The following LRRC4C variants were observed in gnomAD, a reference collection of about 807,000 sequenced individuals.
LRRC4C encodes the protein leucine-rich repeat-containing protein 4C.
In LRRC4C, 5 loss-of-function variants were observed where a neutral mutation model predicts 33.6. The observed-to-expected ratio is 0.15, with a 90% confidence interval of 0.08 to 0.31. The LOEUF is 0.31. LRRC4C is among the 10% of genes least tolerant of loss of function. The pLI, the probability that LRRC4C is intolerant of heterozygous loss-of-function variation, is 1.00. For missense variants in LRRC4C, 560 were observed against 796.7 expected (o/e 0.70, Z 3.58); for synonymous variants, 329 against 302.0 (o/e 1.09, Z -0.93).
intron 3 of LRRC4C, among the ~76,000 whole-genome samples, chr11:40,568,553 C>G (rs1007672349): frequency 3.3e-5 from 5 of 152,178 alleles, no homozygotes; most frequent in African/African-American, 9.7e-5. Flanking sequence ...ATTTCTATAA[C>G]AGCTCCACGA....
intron 1 of LRRC4C, among the ~76,000 whole-genome samples, chr11:41,436,370 C>T (rs947600474): frequency 3.3e-5 from 5 of 152,110 alleles, no homozygotes; most frequent in Non-Finnish European, 5.9e-5. Context: ...CATGTTATTT[C>T]TCAAGATATT....
At chr11:40,581,194 T>C (rs1193511892) in intron 3 of LRRC4C, among the ~76,000 whole-genome samples, 1 of 152,218 alleles carries the variant, frequency 6.6e-6, no homozygotes, top group African/African-American at 2.4e-5. Context: ...CCCCATCGAA[T>C]GTCAACATGT....
intron 3 of LRRC4C, among the ~76,000 whole-genome samples, chr11:40,436,811 T>C (rs981658090): frequency 8.5e-5 from 13 of 152,152 alleles, no homozygotes; most frequent in Non-Finnish European, 1.8e-4. Context: ...AGCTGCTCCA[T>C]TGAGGACTTC....
intron 1 of LRRC4C, among the ~76,000 whole-genome samples, chr11:41,328,431 G>A (rs1397906278): frequency 6.6e-6 from 1 of 152,128 alleles, no homozygotes; most frequent in African/African-American, 2.4e-5. Flanking sequence ...ATGTGTGTGT[G>A]TGCGTGTCTG....
intron 1 of LRRC4C, among the ~76,000 whole-genome samples, chr11:41,037,279 T>C (rs1411178332): frequency 3.2e-5 from 3 of 92,326 alleles, no homozygotes; most frequent in Non-Finnish European, 7.4e-5. Context: ...CTATCTTTGA[T>C]GGGTTTTTTT....
intron 6 of LRRC4C, among the ~76,000 whole-genome samples, chr11:40,125,439 G>A (rs369846275): frequency 6.6e-6 from 1 of 152,000 alleles, no homozygotes. Flanking sequence ...CCCTGTAACT[G>A]TTTTTCCTCT....
intron 6 of LRRC4C, among the ~76,000 whole-genome samples, chr11:40,139,142 G>A (rs1395448869): frequency 6.6e-6 from 1 of 152,104 alleles, no homozygotes. Context: ...AGAACTGAGG[G>A]GAAAAGAGTT....
chr11:41,224,599 A>G (rs1947448051), intron 1 of LRRC4C, among the ~76,000 whole-genome samples: 2 of 152,156 alleles, frequency 1.3e-5, no homozygotes. Context: ...ATTTGATCCA[A>G]TGACTCCTTT....
intron 1 of LRRC4C, among the ~76,000 whole-genome samples, chr11:41,004,689 A>T (rs567685792): frequency 3.8e-4 from 58 of 152,300 alleles, no homozygotes; most frequent in Non-Finnish European, 7.2e-4. Flanking sequence ...GGATGAATGC[A>T]TCAGTGTTCA....
intron 2 of LRRC4C, among the ~76,000 whole-genome samples, chr11:40,907,485 C>A (rs1391234818): frequency 6.6e-6 from 1 of 152,166 alleles, no homozygotes; most frequent in Non-Finnish European, 1.5e-5. Context: ...ATGTGCACAG[C>A]TACTATCTTT....
chr11:41,175,426 A>G (rs2136118799), intron 1 of LRRC4C, among the ~76,000 whole-genome samples: 1 of 152,304 alleles, frequency 6.6e-6, no homozygotes, highest in East Asian at 1.9e-4. Flanking sequence ...TGTCTAAAGT[A>G]GTTCAGCAGG....
At chr11:40,218,610 G>C (rs372549552) in intron 5 of LRRC4C, among the ~76,000 whole-genome samples, 29,423 of 67,290 alleles carry the variant, frequency 0.44, 3,658 homozygotes, top group Admixed American at 0.57. Flanking sequence ...ATGTATGTAT[G>C]TATGTATGTA....
intron 3 of LRRC4C, among the ~76,000 whole-genome samples, chr11:40,466,921 A>C (rs967948103): frequency 8.5e-5 from 13 of 152,082 alleles, no homozygotes; most frequent in Admixed American, 1.3e-4. Context: ...CTCATGTTTA[A>C]TTTATGAAAT....
intron 2 of LRRC4C, among the ~76,000 whole-genome samples, chr11:40,686,400 C>T (rs1231035272): frequency 1.3e-5 from 2 of 152,010 alleles, no homozygotes; most frequent in Admixed American, 6.6e-5. Context: ...AGTTGTGGTG[C>T]ACAACCAAGA....
chr11:40,949,618 G>A (rs1363371253), intron 1 of LRRC4C, among the ~76,000 whole-genome samples: 2 of 152,160 alleles, frequency 1.3e-5, no homozygotes, highest in East Asian at 1.9e-4. Context: ...GCCAAACTAA[G>A]CTTCATAACT....
chr11:40,930,207 A>G (rs557002284), intron 2 of LRRC4C, among the ~76,000 whole-genome samples: 1 of 152,326 alleles, frequency 6.6e-6, no homozygotes, highest in South Asian at 2.1e-4. Context: ...AAGGTAGCCA[A>G]GAAAAATACC....
At chr11:40,325,736 G>C (rs953191221) in intron 3 of LRRC4C, among the ~76,000 whole-genome samples, 1 of 152,000 alleles carries the variant, frequency 6.6e-6, no homozygotes, top group African/African-American at 2.4e-5. Context: ...ACACCAGGCA[G>C]CTAATGATCA....
At chr11:41,445,464 G>C (rs1027121050) in intron 1 of LRRC4C, among the ~76,000 whole-genome samples, 29 of 152,090 alleles carry the variant, frequency 1.9e-4, no homozygotes, top group African/African-American at 6.8e-4. Flanking sequence ...CTATAAAAGG[G>C]AGTCACTGGG....
chr11:41,033,215 G>A (rs1376523036), intron 1 of LRRC4C, among the ~76,000 whole-genome samples: 1 of 152,054 alleles, frequency 6.6e-6, no homozygotes, highest in Non-Finnish European at 1.5e-5. Flanking sequence ...TCAGAATTTA[G>A]TTATAGTGAA....
Sources: gnomAD v4.1 joint callset for allele counts (sites outside exome capture counted in the v4.1 genomes callset) on GRCh38, gnomAD v4.1.1 for gene constraint, MANE v1.5 for transcripts, NCBI Gene and HGNC (gene_info 2026-07-23, HGNC 2026-07-21) for gene names.